Variants in TMPRSS12 observed in about 807,000 individuals in gnomAD.
TMPRSS12 encodes the protein transmembrane protease serine 12.
Under a neutral mutation model 26.0 loss-of-function variants are expected in TMPRSS12, and 25 were observed. That is an observed-to-expected ratio of 0.96 (90% CI 0.70 to 1.34). The LOEUF (loss-of-function observed/expected upper bound fraction) is 1.34. Among genes scored for constraint, TMPRSS12 ranks in the 40% most tolerant of loss-of-function variants. TMPRSS12 has a pLI of 0.00. For missense variants in TMPRSS12, 441 were observed against 440.1 expected, an observed-to-expected ratio of 1.00 and a Z score of -0.02; for synonymous variants, 150 against 161.7, an observed-to-expected ratio of 0.93 and a Z score of 0.55.
At chr12:50,845,443 A>C (rs1937758660) in intron 2 of TMPRSS12, among the ~76,000 whole-genome samples, 1 of 152,122 alleles carries the variant, frequency 6.6e-6, no homozygotes, top group Non-Finnish European at 1.5e-5. Flanking sequence ...AGAGATGTCT[A>C]ATCTACCTCT....
At chr12:50,878,352 A>G (rs1938131965) in intron 3 of TMPRSS12, among the ~76,000 whole-genome samples, 1 of 152,120 alleles carries the variant, frequency 6.6e-6, no homozygotes, top group Non-Finnish European at 1.5e-5. Context: ...AGACCAAGGC[A>G]AGAGAATGGC....
rs1368027861 is a variant in TMPRSS12, at chr12:50,887,619, G to C, written c.*106G>C. ...CTAGCAATTAATTGCCTACATTAGAGATTTCATGTGAACATTTTATGGGCT... is the reference window on the plus strand; with the variant it reads ...CTAGCAATTAATTGCCTACATTAGACATTTCATGTGAACATTTTATGGGCT... On this transcript the variant is annotated 3_prime_UTR_variant, in exon 5 of 5. Transcript: ENST00000398458. 5.0e-6 allele frequency: 7 copies of C among 1,390,810 alleles called. No homozygotes were observed. Among genetic ancestry groups the C allele is most frequent in the Non-Finnish European group, 2.9e-6 (3 of 1,034,144 alleles). 86.2% of individuals were successfully genotyped at this position (1,390,810 alleles called of 1,614,324 possible).
chr12:50,887,364 C>T lies in TMPRSS12; in HGVS notation c.898C>T (p.Pro300Ser), dbSNP rs1321837466. 9 of 1,613,752 alleles carry T rather than the reference C, an allele frequency of 5.6e-6. No homozygotes were observed. The African/African-American group carries it at 8.0e-5, about 14-fold the overall frequency. ...ACATGGCTGTGGTCGAAGAGGTTTT[C>T]CTGGTGTCTATATTGGGCCATCCTT... ...YGHGCGRRGF[P>S]GVYIGPSFYQ... The change falls in exon 5 of 5, where the codon CCT becomes TCT. Residue 300 changes from proline to serine, a missense_variant. Transcript: ENST00000398458.
intron 3 of TMPRSS12, among the ~76,000 whole-genome samples, chr12:50,866,808 T>C (rs1477860125): frequency 6.6e-6 from 1 of 152,260 alleles, no homozygotes; most frequent in African/African-American, 2.4e-5. Flanking sequence ...ATCACGGGAC[T>C]CTGTGCAGAC....
At chr12:50,854,163 G>A (rs187207156) in intron 2 of TMPRSS12, among the ~76,000 whole-genome samples, 53 of 152,090 alleles carry the variant, frequency 3.5e-4, no homozygotes, top group Non-Finnish European at 8.8e-5. Context: ...TGCAAAATTG[G>A]TTCAACATAT....
intron 3 of TMPRSS12, among the ~76,000 whole-genome samples, chr12:50,878,265 A>C (rs1210114997): frequency 6.6e-6 from 1 of 151,966 alleles, no homozygotes; most frequent in African/African-American, 2.4e-5. Context: ...AAACCACAGC[A>C]ATCAACACAT....
chr12:50,855,645 G>A (rs755657395), intron 2 of TMPRSS12, among the ~76,000 whole-genome samples: 10 of 152,314 alleles, frequency 6.6e-5, no homozygotes, highest in African/African-American at 2.4e-4. Context: ...AAACCAGTAC[G>A]GAGATTTCTC....
Position 50,887,541 on chromosome 12 carries a change from A to T in TMPRSS12, c.*28A>T. ...AAATTCTGAAGGCTTTCATATCTTT[A>T]TTTTGCATTGTGTCCCTTTCTATGT... is the stretch of plus-strand genomic sequence containing the variant. On this transcript the variant is annotated 3_prime_UTR_variant, in exon 5 of 5. Transcript: ENST00000398458. 2 of 1,599,020 alleles carry T rather than the reference A, an allele frequency of 1.3e-6. No individual in the cohort carries two copies. Among genetic ancestry groups the T allele is most frequent in the Non-Finnish European group, 1.7e-6 (2 of 1,173,988 alleles).
rs1287442026 is a variant in TMPRSS12, at chr12:50,872,556, AAATAT to A, written c.653-12688_653-12684del. ...AAAAAAAAAAAAGGAACTGTGAAAAAAATATATATATATGCCATATATATGTACAT... is the reference window on the plus strand; with the variant it reads ...AAAAAAAAAAAAGGAACTGTGAAAAAATATATATGCCATATATATGTACAT... On this transcript the variant is annotated intron_variant, in intron 3 of 4. Coordinates refer to ENST00000398458, the MANE Select transcript of TMPRSS12 (RefSeq NM_182559.3). 1.6e-5 allele frequency among the ~76,000 whole-genome samples: 2 copies of A among 125,682 alleles called. 1 individual carries two copies. Among genetic ancestry groups the A allele is most frequent in the African/African-American group, 5.9e-5 (2 of 33,860 alleles). 82.5% of individuals were successfully genotyped at this position (125,682 alleles called of 152,430 possible).
intron 3 of TMPRSS12, among the ~76,000 whole-genome samples, chr12:50,868,435 A>G (rs1938011866): frequency 2.6e-5 from 4 of 152,238 alleles, no homozygotes. Context: ...GCCTTGTCCA[A>G]CAGGAAAATA....
chr12:50,865,699 GAA>G, intron 3 of TMPRSS12, among the ~76,000 whole-genome samples: 1 of 131,052 alleles, frequency 7.6e-6, no homozygotes, highest in African/African-American at 2.9e-5. Flanking sequence ...GAACAACAAA[GAA>G]AAAAAAAAAA....
At chr12:50,870,977 C>T (rs1938037430) in intron 3 of TMPRSS12, among the ~76,000 whole-genome samples, 1 of 152,108 alleles carries the variant, frequency 6.6e-6, no homozygotes, top group African/African-American at 2.4e-5. Flanking sequence ...ACATCCCATG[C>T]TCATGGATGG....
rs1426007292 is a variant in TMPRSS12, at chr12:50,872,834, TATG to T, written c.653-12410_653-12408del. Reference sequence around the variant, plus strand: ...TATATGACGTATATATGTACATATATATGACGTCTATATATGTACATATATATG... The same window carrying T: ...TATATGACGTATATATGTACATATATACGTCTATATATGTACATATATATG... On this transcript the variant is annotated intron_variant, in intron 3 of 4. Coordinates refer to ENST00000398458, the MANE Select transcript of TMPRSS12 (RefSeq NM_182559.3). Among the ~76,000 whole-genome samples, 7 of 82,958 alleles carry T rather than the reference TATG, an allele frequency of 8.4e-5. 2 individuals carry two copies. The highest frequency in any genetic ancestry group is 3.7e-4 in the African/African-American group (7 of 18,966). The allele number at this position is 82,958 out of a possible 152,430, so 54.4% of individuals were successfully genotyped here.
chr12:50,851,651 A>G (rs1937827295), intron 2 of TMPRSS12, among the ~76,000 whole-genome samples: 2 of 152,222 alleles, frequency 1.3e-5, no homozygotes, highest in Admixed American at 1.3e-4. Context: ...AATTTCTGCA[A>G]CCTTGCTGGA....
intron 3 of TMPRSS12, among the ~76,000 whole-genome samples, chr12:50,867,570 A>G (rs1938003553): frequency 6.6e-6 from 1 of 152,214 alleles, no homozygotes; most frequent in Admixed American, 6.5e-5. Flanking sequence ...AATCGAGGAA[A>G]ACTTCCCCAG....
chr12:50,848,067 T>C (rs1245323465), intron 2 of TMPRSS12: 1 of 152,062 alleles, frequency 6.6e-6, no homozygotes, highest in Non-Finnish European at 1.5e-5. Context: ...GGCTTGTCCT[T>C]TTTCATCAAG....
intron 3 of TMPRSS12, among the ~76,000 whole-genome samples, chr12:50,862,636 G>T (rs1937948102): frequency 6.6e-6 from 1 of 151,712 alleles, no homozygotes; most frequent in Non-Finnish European, 1.5e-5. Flanking sequence ...AACAATTCTT[G>T]TGCCTCAGCG....
At chr12:50,845,680 A>G (rs1937760824) in intron 2 of TMPRSS12, among the ~76,000 whole-genome samples, 1 of 152,210 alleles carries the variant, frequency 6.6e-6, no homozygotes, top group East Asian at 1.9e-4. Flanking sequence ...AAGGCCTGTG[A>G]AGGCTCTCTG....
intron 3 of TMPRSS12, among the ~76,000 whole-genome samples, chr12:50,878,744 C>A (rs1443250282): frequency 6.6e-6 from 1 of 152,126 alleles, no homozygotes; most frequent in Non-Finnish European, 1.5e-5. Context: ...AACTGGATAT[C>A]CTTACGCCGC....
Sources: allele counts gnomAD v4.1 joint callset (sites outside exome capture counted in the v4.1 genomes callset), GRCh38; gene constraint gnomAD v4.1.1; transcripts MANE v1.5; gene names NCBI Gene and HGNC (gene_info 2026-07-23, HGNC 2026-07-21).